CSMD3: variants seen among roughly 807,000 people sequenced by gnomAD.
The protein encoded by CSMD3 is CUB and Sushi multiple domains 3, also known as CUB and sushi domain-containing protein 3.
CSMD3 carries 177 observed loss-of-function variants against 435.2 expected under a neutral mutation model. That is an observed-to-expected ratio of 0.41 (90% CI 0.36 to 0.46). The LOEUF (loss-of-function observed/expected upper bound fraction) is 0.46, where lower values mean the gene tolerates loss of function less well. CSMD3 is among the 20% of genes least tolerant of loss of function. CSMD3 has a pLI of 0.34. For missense variants in CSMD3, 4,265 were observed against 4,504.6 expected (o/e 0.95, Z 1.52); for synonymous variants, 1,656 against 1,520.5 (o/e 1.09, Z -2.07).
chr8:113,194,080 T>C (rs994448443), intron 3 of CSMD3, among the ~76,000 whole-genome samples: 1 of 151,286 alleles, frequency 6.6e-6, no homozygotes, highest in Non-Finnish European at 1.5e-5. Flanking sequence ...CCAATTTTCT[T>C]TGGGGGAAAA....
chr8:113,054,139 G>T (rs1353482764), intron 5 of CSMD3, among the ~76,000 whole-genome samples: 1 of 151,816 alleles, frequency 6.6e-6, no homozygotes, highest in Non-Finnish European at 1.5e-5. Context: ...TTTTTAATCT[G>T]GCTTAGAGTT....
At chr8:112,335,291 A>T in intron 45 of CSMD3, 38 bp downstream of exon 45, 1 of 1,594,342 alleles carries the variant, frequency 6.3e-7, no homozygotes, top group Non-Finnish European at 8.6e-7. Flanking sequence ...CAAATTAAAC[A>T]GTAGCAAATG....
At chr8:112,505,218 T>G (rs1270133503) in intron 29 of CSMD3, among the ~76,000 whole-genome samples, 1 of 152,128 alleles carries the variant, frequency 6.6e-6, no homozygotes, top group Non-Finnish European at 1.5e-5. Context: ...ACCATCACAC[T>G]ATTATATTTT....
intron 13 of CSMD3, among the ~76,000 whole-genome samples, chr8:112,763,661 T>C (rs1044445561): frequency 2.0e-5 from 3 of 149,626 alleles, no homozygotes; most frequent in Non-Finnish European, 3.0e-5. Flanking sequence ...TGTTAGTTAC[T>C]TCGTGTTAAA....
intron 2 of CSMD3, among the ~76,000 whole-genome samples, chr8:113,281,718 CT>C (rs2093614309): frequency 1.3e-5 from 2 of 151,636 alleles, no homozygotes; most frequent in Non-Finnish European, 3.0e-5. Flanking sequence ...TGCCTGTGTA[CT>C]TTGTTTTTTA....
intron 59 of CSMD3, among the ~76,000 whole-genome samples, chr8:112,278,040 C>A (rs1818252056): frequency 1.3e-5 from 2 of 152,162 alleles, no homozygotes; most frequent in African/African-American, 4.8e-5. Context: ...AGAGTCTTAC[C>A]ATGTGGGTAA....
intron 8 of CSMD3, among the ~76,000 whole-genome samples, chr8:112,951,979 G>A (rs1174236835): frequency 2.6e-5 from 4 of 151,518 alleles, no homozygotes; most frequent in Non-Finnish European, 5.9e-5. Context: ...ATATTCTAGA[G>A]GAGCCTACTA....
intron 5 of CSMD3, among the ~76,000 whole-genome samples, chr8:113,028,060 G>A (rs978714154): frequency 1.3e-5 from 2 of 151,954 alleles, no homozygotes; most frequent in African/African-American, 4.8e-5. Flanking sequence ...ACAAACTGAA[G>A]GTTTGTGACA....
intron 13 of CSMD3, among the ~76,000 whole-genome samples, chr8:112,703,372 G>A (rs1410534040): frequency 6.6e-6 from 1 of 152,198 alleles, no homozygotes; most frequent in Admixed American, 6.6e-5. Flanking sequence ...ATGCTCTCAT[G>A]CAGTGAGTTC....
intron 27 of CSMD3, among the ~76,000 whole-genome samples, chr8:112,521,854 C>T (rs945594351): frequency 6.6e-6 from 1 of 151,508 alleles, no homozygotes; most frequent in Non-Finnish European, 1.5e-5. Flanking sequence ...AAAATTTCAC[C>T]TATATAAATT....
intron 65 of CSMD3, among the ~76,000 whole-genome samples, chr8:112,243,965 T>A (rs555654770): frequency 6.6e-6 from 1 of 152,150 alleles, no homozygotes; most frequent in Non-Finnish European, 1.5e-5. Flanking sequence ...TCAGAAGCTA[T>A]GAGAAGATAG....
chr8:112,318,781 A>C, intron 47 of CSMD3, 56 bp downstream of exon 47: 1 of 1,167,226 alleles, frequency 8.6e-7, no homozygotes, highest in Non-Finnish European at 1.3e-6. Flanking sequence ...ACCTATATTA[A>C]GTTAAACATA....
Position 113,032,497 on chromosome 8 carries a change from C to A in CSMD3, c.918-13318G>T, listed in dbSNP as rs980446463. On this transcript the variant is annotated intron_variant, in intron 5 of 70. Transcript: ENST00000297405. Reference sequence around the variant, plus strand: ...GCTTGAGAGAGATGATTTAGGGTAACTGCCAGAAGAAATTTCTAAGAAGCA... The same window carrying A: ...GCTTGAGAGAGATGATTTAGGGTAAATGCCAGAAGAAATTTCTAAGAAGCA... Among the ~76,000 whole-genome samples, 2 of 151,500 alleles carry A rather than the reference C, an allele frequency of 1.3e-5. 1 individual carries two copies. The highest frequency in any genetic ancestry group is 3.0e-5 in the Non-Finnish European group (2 of 67,786).
chr8:112,687,354 C>G (rs1027698427), intron 14 of CSMD3, among the ~76,000 whole-genome samples: 1 of 152,002 alleles, frequency 6.6e-6, no homozygotes, highest in Non-Finnish European at 1.5e-5. Flanking sequence ...ATTATCTGCT[C>G]ATAAACTGAT....
intron 1 of CSMD3, among the ~76,000 whole-genome samples, chr8:113,399,094 T>C (rs1472790588): frequency 1.2e-5 from 1 of 82,918 alleles, no homozygotes; most frequent in Admixed American, 1.6e-4. Context: ...TATATATATA[T>C]ATATATATAT....
At chr8:112,262,958 G>T (rs796424533) in intron 61 of CSMD3, among the ~76,000 whole-genome samples, 4 of 152,108 alleles carry the variant, frequency 2.6e-5, no homozygotes, top group African/African-American at 9.6e-5. Context: ...CCCATGCTGG[G>T]AAAGGAAAAA....
intron 1 of CSMD3, among the ~76,000 whole-genome samples, chr8:113,323,189 T>C (rs2093960666): frequency 6.6e-6 from 1 of 152,200 alleles, no homozygotes; most frequent in Non-Finnish European, 1.5e-5. Context: ...GTTTTCAATG[T>C]TTTTCCCATA....
intron 2 of CSMD3, among the ~76,000 whole-genome samples, chr8:113,306,441 A>G (rs1227515266): frequency 6.6e-6 from 1 of 152,152 alleles, no homozygotes; most frequent in Non-Finnish European, 1.5e-5. Context: ...ACTGGAGTGC[A>G]CTGACATAAA....
intron 1 of CSMD3, among the ~76,000 whole-genome samples, chr8:113,369,737 G>A (rs1481048298): frequency 6.6e-6 from 1 of 151,832 alleles, no homozygotes; most frequent in Non-Finnish European, 1.5e-5. Flanking sequence ...ACTAAAGAAT[G>A]AAATCCTATC....
Sources: gnomAD v4.1 joint callset for allele counts (sites outside exome capture counted in the v4.1 genomes callset) on GRCh38, gnomAD v4.1.1 for gene constraint, MANE v1.5 for transcripts, NCBI Gene and HGNC (gene_info 2026-07-23, HGNC 2026-07-21) for gene names.